The following ZNRF3 variants were observed in gnomAD, a reference collection of about 807,000 sequenced individuals.
ZNRF3 encodes E3 ubiquitin-protein ligase ZNRF3.
Under a neutral mutation model 72.5 loss-of-function variants are expected in ZNRF3, and 23 were observed. The observed-to-expected ratio is 0.32, with a 90% CI of 0.23 to 0.45. The LOEUF is 0.45. Among genes scored for constraint, ZNRF3 ranks in the 20% least tolerant of loss-of-function variants. ZNRF3 has a pLI of 1.00. For synonymous variants in ZNRF3, 610 were observed against 545.3 expected, an observed-to-expected ratio of 1.12 and a Z score of -1.65; for missense variants, 1,169 against 1,272.1, an observed-to-expected ratio of 0.92 and a Z score of 1.23.
chr22:28,977,178 C>G (rs1279872858), intron 1 of ZNRF3, among the ~76,000 whole-genome samples: 2 of 152,130 alleles, frequency 1.3e-5, no homozygotes, highest in African/African-American at 4.8e-5. Flanking sequence ...TTCTGAAAGC[C>G]AGAGTCCTCA....
In ZNRF3 at chr22:29,054,468, G is replaced by A. The variant is rs925228900; in HGVS notation, c.*846G>A. ...TTGGCTGAGGTCCAGGTCATAGTAA[G>A]GGCATGTTCTTGGGGCCCTCGACCT... On this transcript the variant is annotated 3_prime_UTR_variant, in exon 9 of 9. Coordinates refer to ENST00000544604, the MANE Select transcript of ZNRF3 (RefSeq NM_001206998.2). The A allele has an allele frequency of 6.6e-6, 1 of 152,416 alleles. No homozygotes were observed. Among genetic ancestry groups the A allele is most frequent in the African/African-American group, 2.4e-5 (1 of 41,468 alleles). The allele number at this position is 152,416 out of a possible 1,614,324, so 9.4% of individuals were successfully genotyped here.
At chr22:28,922,311 A>G (rs9625645) in intron 1 of ZNRF3, among the ~76,000 whole-genome samples, 8,235 of 152,254 alleles carry the variant, frequency 0.054, 289 homozygotes, top group East Asian at 0.13. Context: ...TTGCTGGCAA[A>G]CAGTCTATAG....
intron 1 of ZNRF3, among the ~76,000 whole-genome samples, chr22:28,966,745 TA>T (rs1476994216): frequency 1.3e-5 from 2 of 152,026 alleles, no homozygotes; most frequent in Non-Finnish European, 2.9e-5. Context: ...AGTCAAAAGT[TA>T]AAATTAAGTT....
At chr22:28,967,393 A>G (rs373882176) in intron 1 of ZNRF3, among the ~76,000 whole-genome samples, 35 of 152,352 alleles carry the variant, frequency 2.3e-4, no homozygotes, top group African/African-American at 7.5e-4. Flanking sequence ...TTATGTTTGC[A>G]CAGTGACAAA....
intron 1 of ZNRF3, among the ~76,000 whole-genome samples, chr22:28,929,294 T>C (rs564213323): frequency 4.8e-4 from 73 of 152,246 alleles, no homozygotes; most frequent in Non-Finnish European, 9.0e-4. Flanking sequence ...TTTTCCTTAT[T>C]GTAGACGTGG....
chr22:29,012,888 T>G (rs1478095286), intron 2 of ZNRF3, among the ~76,000 whole-genome samples: 1 of 152,180 alleles, frequency 6.6e-6, no homozygotes, highest in Non-Finnish European at 1.5e-5. Flanking sequence ...ATGAATACAT[T>G]GAGACTCAGG....
At chr22:28,944,305 C>T (rs16986857) in intron 1 of ZNRF3, among the ~76,000 whole-genome samples, 2 of 149,064 alleles carry the variant, frequency 1.3e-5, no homozygotes, top group Non-Finnish European at 3.0e-5. Context: ...TAGAGGAGAG[C>T]TACTTAAAGA....
Position 28,991,373 on chromosome 22 carries a change from G to A in ZNRF3, c.426+4172G>A, listed in dbSNP as rs117084173. ...TCTCCAAGGCTTAATAGTACAATGT[G>A]GGGAAATTGAGAAAAAGATAAGAAA... On this transcript the variant is annotated intron_variant, in intron 2 of 8. Coordinates refer to ENST00000544604, the MANE Select transcript of ZNRF3 (RefSeq NM_001206998.2). Among the ~76,000 whole-genome samples the A allele has an allele frequency of 7.0e-3, 1,052 of 150,708 alleles. 4 individuals are homozygous for A. Among genetic ancestry groups the A allele is most frequent in the Non-Finnish European group, 0.012 (814 of 67,732 alleles).
At chr22:28,995,043 C>T (rs771098470) in intron 2 of ZNRF3, among the ~76,000 whole-genome samples, 2 of 152,204 alleles carry the variant, frequency 1.3e-5, no homozygotes, top group African/African-American at 2.4e-5. Flanking sequence ...TTTTGAAGAA[C>T]AACTCCCAAA....
At chr22:28,956,352 CCTTTTTTTTTTTTTTTT>C (rs1435611648) in intron 1 of ZNRF3, among the ~76,000 whole-genome samples, 7 of 135,354 alleles carry the variant, frequency 5.2e-5, no homozygotes, top group African/African-American at 2.0e-4. Flanking sequence ...GTTTCCATTT[CCTTTTTTTTTTTTTTTT>C]TTTTTTTTAA....
At chr22:28,953,345 C>T (rs572897685) in intron 1 of ZNRF3, among the ~76,000 whole-genome samples, 2 of 152,348 alleles carry the variant, frequency 1.3e-5, no homozygotes, top group Non-Finnish European at 2.9e-5. Flanking sequence ...GGCTTTTCCT[C>T]CAGCCCCTCA....
rs528959993 is a variant in ZNRF3 at position 29,009,100 on chromosome 22, T to C, written c.426+21899T>C. Among the ~76,000 whole-genome samples, 176 of 152,320 alleles carry C rather than the reference T, an allele frequency of 1.2e-3. 3 individuals carry two copies. In the South Asian group the frequency reaches 0.023, roughly 20 times the overall value. On this transcript the variant is annotated intron_variant, in intron 2 of 8. Transcript: ENST00000544604. ...CTGCAGGGCCACTGTGAAGAGGGAATCAGGACAGGATCCTTCAGGTCTTGG... is the reference window on the plus strand; with the variant it reads ...CTGCAGGGCCACTGTGAAGAGGGAACCAGGACAGGATCCTTCAGGTCTTGG...
intron 1 of ZNRF3, among the ~76,000 whole-genome samples, chr22:28,944,926 CAAATAAATAAATAAATAAAT>C (rs71316875): frequency 2.1e-5 from 3 of 143,566 alleles, no homozygotes; most frequent in East Asian, 2.0e-4. Context: ...ACTCCGTCTC[CAAATAAATAAATAAATAAAT>C]AAATAAATAA....
At chr22:29,044,912 C>T (rs765093002) in intron 5 of ZNRF3, 22 bp downstream of exon 5, 8 of 1,545,562 alleles carry the variant, frequency 5.2e-6, no homozygotes, top group South Asian at 3.3e-5. Context: ...GTGTGTAGCC[C>T]GTGAGCAGTA....
At chr22:28,978,776 CTG>C (rs2035717316) in intron 1 of ZNRF3, among the ~76,000 whole-genome samples, 1 of 152,186 alleles carries the variant, frequency 6.6e-6, no homozygotes, top group African/African-American at 2.4e-5. Flanking sequence ...GTCTTCATCT[CTG>C]TGATTCTTTC....
In ZNRF3 at chr22:28,903,453, G is replaced by C. The variant is rs1601540173; in HGVS notation, c.300+19387G>C. On this transcript the variant is annotated intron_variant, in intron 1 of 8. Coordinates refer to ENST00000544604, the MANE Select transcript of ZNRF3 (RefSeq NM_001206998.2). ...CAAGCACAAGTGACTTCAGCGCTTG[G>C]TTTGATCCAGCGTGTGATTTTTGCC... 2.0e-5 allele frequency among the ~76,000 whole-genome samples: 3 copies of C among 152,324 alleles called. No individual in the cohort carries two copies. In the South Asian group the frequency reaches 6.2e-4, roughly 32 times the overall value.
At chr22:29,016,850 T>A (rs1481693272) in intron 2 of ZNRF3, among the ~76,000 whole-genome samples, 2 of 152,218 alleles carry the variant, frequency 1.3e-5, no homozygotes, top group African/African-American at 4.8e-5. Flanking sequence ...GCCTGCCCAG[T>A]GGTGCACTAA....
chr22:29,037,800 A>G (rs2036892161), intron 2 of ZNRF3, among the ~76,000 whole-genome samples: 1 of 152,178 alleles, frequency 6.6e-6, no homozygotes. Context: ...TGGCCTGAGC[A>G]AGGATGGAAG....
chr22:28,925,698 G>T (rs2034588122), intron 1 of ZNRF3, among the ~76,000 whole-genome samples: 1 of 152,160 alleles, frequency 6.6e-6, no homozygotes, highest in Non-Finnish European at 1.5e-5. Flanking sequence ...CTGTGCATGT[G>T]ATGGGGTTTT....
Sources: allele counts gnomAD v4.1 joint callset (sites outside exome capture counted in the v4.1 genomes callset), GRCh38; gene constraint gnomAD v4.1.1; transcripts MANE v1.5; gene names NCBI Gene and HGNC (gene_info 2026-07-23, HGNC 2026-07-21).